The following LINGO2 variants were observed in gnomAD, a reference collection of about 807,000 sequenced individuals.
The protein encoded by LINGO2 is leucine-rich repeat and immunoglobulin-like domain-containing nogo receptor-interacting protein 2.
In LINGO2, 14 loss-of-function variants were observed where a neutral mutation model predicts 30.6. That is an observed-to-expected ratio of 0.46 (90% confidence interval 0.30 to 0.72). The LOEUF (loss-of-function observed/expected upper bound fraction) is 0.72, where lower values mean the gene tolerates loss of function less well. Among genes scored for constraint, LINGO2 ranks in the 30% least tolerant of loss-of-function variants. The probability of loss-of-function intolerance (pLI) is 0.07; values close to 1 mark genes in which losing one functional copy is unlikely to be tolerated. For missense variants in LINGO2, 729 were observed against 751.7 expected (o/e 0.97, Z 0.35); for synonymous variants, 317 against 288.5 (o/e 1.10, Z -1.00).
the LINGO2 span, chr9:28,888,977 CA>C: frequency 1.9e-6 from 1 of 518,128 alleles, no homozygotes. Context: ...AAGCAGGAAC[CA>C]TTTGCAGATA....
intron 4 of LINGO2, among the ~76,000 whole-genome samples, chr9:28,185,183 C>G (rs1184203361): frequency 6.6e-6 from 1 of 152,146 alleles, no homozygotes; most frequent in African/African-American, 2.4e-5. Flanking sequence ...GGTAAATAAA[C>G]TTGGTAGTGC....
chr9:28,644,583 GAA>G lies in LINGO2; in HGVS notation c.-365+25615_-365+25616del, dbSNP rs34845629. Among the ~76,000 whole-genome samples, 612 of 138,916 alleles carry G rather than the reference GAA, an allele frequency of 4.4e-3. 3 individuals carry two copies. The highest frequency in any genetic ancestry group is 7.0e-3 in the African/African-American group (272 of 39,004). The allele number at this position is 138,916 out of a possible 152,430, so 91.1% of individuals were successfully genotyped here. ...TGGGAATGGTTAATGGGTGCAAACA[GAA>G]AAAAAAAAAAGAAAGAATTAATAAG... On this transcript the variant is annotated intron_variant, in intron 1 of 5. Transcript: ENST00000379992.
At chr9:28,250,305 C>A (rs2134007064) in intron 4 of LINGO2, among the ~76,000 whole-genome samples, 1 of 152,284 alleles carries the variant, frequency 6.6e-6, no homozygotes, top group South Asian at 2.1e-4. Context: ...GTTACAAATA[C>A]TATACAGTGT....
At chr9:28,151,738 T>G (rs1290751436) in intron 4 of LINGO2, among the ~76,000 whole-genome samples, 1 of 151,982 alleles carries the variant, frequency 6.6e-6, no homozygotes, top group Non-Finnish European at 1.5e-5. Flanking sequence ...TTCTAAATGA[T>G]GACTCAGAAA....
the LINGO2 span, among the ~76,000 whole-genome samples, chr9:29,111,034 A>T: frequency 2.0e-5 from 3 of 152,314 alleles, no homozygotes; most frequent in East Asian, 5.8e-4. Flanking sequence ...AAGTCAAACA[A>T]ATGTTTGCAC....
chr9:28,271,167 A>G (rs4531132), intron 4 of LINGO2, among the ~76,000 whole-genome samples: 1 of 151,348 alleles, frequency 6.6e-6, no homozygotes, highest in Non-Finnish European at 1.5e-5. Context: ...AAAAAAAAAA[A>G]ACACAAAAAA....
intron 4 of LINGO2, among the ~76,000 whole-genome samples, chr9:28,132,151 A>G (rs949982272): frequency 3.3e-5 from 5 of 152,200 alleles, no homozygotes; most frequent in Non-Finnish European, 1.5e-5. Context: ...TAGATATGTA[A>G]AGCTTGCTTA....
At chr9:28,337,472 A>G (rs906450564) in intron 3 of LINGO2, among the ~76,000 whole-genome samples, 12 of 152,312 alleles carry the variant, frequency 7.9e-5, no homozygotes, top group Admixed American at 4.6e-4. Flanking sequence ...AGAAATTTGT[A>G]TAAGTAACAC....
chr9:28,886,878 A>G, the LINGO2 span, among the ~76,000 whole-genome samples: 1 of 152,176 alleles, frequency 6.6e-6, no homozygotes, highest in Non-Finnish European at 1.5e-5. Context: ...ACATTAAATG[A>G]GAGAGAAATA....
the LINGO2 span, among the ~76,000 whole-genome samples, chr9:29,062,848 A>G: frequency 6.6e-6 from 1 of 152,148 alleles, no homozygotes; most frequent in Admixed American, 6.6e-5. Context: ...ACTTTTTGTG[A>G]TAACACTTTT....
the LINGO2 span, among the ~76,000 whole-genome samples, chr9:29,033,084 A>G: frequency 6.6e-6 from 1 of 152,176 alleles, no homozygotes; most frequent in African/African-American, 2.4e-5. Context: ...ATTTCAGGCT[A>G]TTTTCTTGCC....
At chr9:28,745,286 A>C in the LINGO2 span, among the ~76,000 whole-genome samples, 1 of 152,024 alleles carries the variant, frequency 6.6e-6, no homozygotes, top group Non-Finnish European at 1.5e-5. Context: ...TTCATGTAGT[A>C]GTGAGGCTTC....
At chr9:28,877,011 C>G in the LINGO2 span, among the ~76,000 whole-genome samples, 1 of 151,882 alleles carries the variant, frequency 6.6e-6, no homozygotes, top group African/African-American at 2.4e-5. Flanking sequence ...GTGATGGTAA[C>G]CATTTTTTCA....
the LINGO2 span, among the ~76,000 whole-genome samples, chr9:29,172,442 G>A: frequency 6.6e-6 from 1 of 151,802 alleles, no homozygotes; most frequent in Non-Finnish European, 1.5e-5. Context: ...GTACTATTTA[G>A]TCAGATTAAG....
chr9:29,057,522 C>G, the LINGO2 span, among the ~76,000 whole-genome samples: 13 of 152,116 alleles, frequency 8.5e-5, no homozygotes, highest in Admixed American at 2.0e-4. Context: ...CCTGGTGTCA[C>G]TTTCTGAACT....
the LINGO2 span, among the ~76,000 whole-genome samples, chr9:28,916,179 C>T: frequency 1.3e-5 from 2 of 152,110 alleles, no homozygotes. Flanking sequence ...CGCTTTGTTA[C>T]AATAATATAC....
intron 1 of LINGO2, among the ~76,000 whole-genome samples, chr9:28,505,044 A>G (rs1213385959): frequency 1.3e-5 from 2 of 151,932 alleles, no homozygotes; most frequent in Non-Finnish European, 2.9e-5. Context: ...GTGTAAGCCA[A>G]TTTAAGAGGG....
At chr9:28,049,821 C>G (rs946692658) in intron 4 of LINGO2, among the ~76,000 whole-genome samples, 2 of 150,444 alleles carry the variant, frequency 1.3e-5, no homozygotes, top group Non-Finnish European at 2.9e-5. Context: ...ACTTCTTCAT[C>G]AAGGCTAAAG....
At chr9:28,640,909 T>A (rs148449624) in intron 1 of LINGO2, among the ~76,000 whole-genome samples, 215 of 152,276 alleles carry the variant, frequency 1.4e-3, no homozygotes, top group African/African-American at 4.9e-3. Flanking sequence ...ACGCTGATTT[T>A]TAGAATTTTC....
Sources: allele counts gnomAD v4.1 joint callset (sites outside exome capture counted in the v4.1 genomes callset), GRCh38; gene constraint gnomAD v4.1.1; transcripts MANE v1.5; gene names NCBI Gene and HGNC (gene_info 2026-07-23, HGNC 2026-07-21).